The following LOC128462377 variants were observed in gnomAD, a reference collection of about 807,000 sequenced individuals.
chr16:89,325,325 C>G, the LOC128462377 span, among the ~76,000 whole-genome samples: 1 of 152,120 alleles, frequency 6.6e-6, no homozygotes, highest in East Asian at 1.9e-4. Context: ...GCGGTCTCAG[C>G]TACCAGGGAG....
the LOC128462377 span, among the ~76,000 whole-genome samples, chr16:89,336,201 T>C: frequency 1.3e-5 from 2 of 152,226 alleles, no homozygotes; most frequent in Admixed American, 1.3e-4. Flanking sequence ...ACTGTCCTTG[T>C]GGGCTACTCA....
chr16:89,408,864 AC>A, the LOC128462377 span, among the ~76,000 whole-genome samples: 1 of 152,246 alleles, frequency 6.6e-6, no homozygotes, highest in Non-Finnish European at 1.5e-5. Flanking sequence ...AAAAAAGAGA[AC>A]ATAAGTGAAG....
chr16:89,359,653 G>A, the LOC128462377 span, among the ~76,000 whole-genome samples: 14 of 152,138 alleles, frequency 9.2e-5, no homozygotes, highest in Non-Finnish European at 1.3e-4. Flanking sequence ...GAAGGTAGCC[G>A]GCTGTTCACC....
chr16:89,414,156 C>T, the LOC128462377 span, among the ~76,000 whole-genome samples: 1 of 152,206 alleles, frequency 6.6e-6, no homozygotes, highest in Admixed American at 6.5e-5. Context: ...TTCAGCAAGA[C>T]AGAACCTGAT....
the LOC128462377 span, among the ~76,000 whole-genome samples, chr16:89,382,089 C>A: frequency 6.6e-6 from 1 of 152,192 alleles, no homozygotes; most frequent in African/African-American, 2.4e-5. Context: ...CAGGCAGGCG[C>A]CACCAGAACG....
chr16:89,336,296 A>T, the LOC128462377 span, among the ~76,000 whole-genome samples: 1 of 152,118 alleles, frequency 6.6e-6, no homozygotes, highest in Non-Finnish European at 1.5e-5. Context: ...AGCAGCCACC[A>T]AATGCACACA....
At chr16:89,327,509 A>G in the LOC128462377 span, among the ~76,000 whole-genome samples, 1 of 152,336 alleles carries the variant, frequency 6.6e-6, no homozygotes, top group Non-Finnish European at 1.5e-5. Flanking sequence ...ACTTTATTTA[A>G]TAGAGTTCAG....
chr16:89,337,137 G>A, the LOC128462377 span, among the ~76,000 whole-genome samples: 1 of 151,518 alleles, frequency 6.6e-6, no homozygotes, highest in East Asian at 1.9e-4. Flanking sequence ...AGTGAGTTGA[G>A]ATCACACCAC....
the LOC128462377 span, among the ~76,000 whole-genome samples, chr16:89,329,397 AG>A: frequency 3.3e-5 from 5 of 152,214 alleles, no homozygotes; most frequent in African/African-American, 7.2e-5. Flanking sequence ...CACAGAAAAA[AG>A]GAAAAAAAAG....
the LOC128462377 span, among the ~76,000 whole-genome samples, chr16:89,344,845 A>G: frequency 6.6e-6 from 1 of 152,088 alleles, no homozygotes; most frequent in Non-Finnish European, 1.5e-5. Context: ...ACTCTCAACC[A>G]CCTTCCAAGT....
At chr16:89,336,516 TC>T in the LOC128462377 span, among the ~76,000 whole-genome samples, 2 of 152,192 alleles carry the variant, frequency 1.3e-5, no homozygotes, top group Non-Finnish European at 2.9e-5. Context: ...TGCCCAGATT[TC>T]TCACAATGTC....
At chr16:89,409,615 G>A in the LOC128462377 span, among the ~76,000 whole-genome samples, 1 of 152,150 alleles carries the variant, frequency 6.6e-6, no homozygotes, top group Non-Finnish European at 1.5e-5. Context: ...GGAGTTCCAG[G>A]CCAGTCTGAG....
chr16:89,408,992 C>A, the LOC128462377 span, among the ~76,000 whole-genome samples: 4 of 152,132 alleles, frequency 2.6e-5, no homozygotes, highest in African/African-American at 9.7e-5. Context: ...AAGGCGGCCC[C>A]AACCCTGCCT....
the LOC128462377 span, among the ~76,000 whole-genome samples, chr16:89,403,026 T>TCCA: frequency 6.6e-6 from 1 of 152,118 alleles, no homozygotes; most frequent in South Asian, 2.1e-4. Flanking sequence ...AACACCAGGC[T>TCCA]CCACATGGGC....
chr16:89,409,941 G>A, the LOC128462377 span, among the ~76,000 whole-genome samples: 14 of 152,064 alleles, frequency 9.2e-5, no homozygotes, highest in Admixed American at 6.6e-5. Context: ...CCGGGTTCAC[G>A]CCATTCTCCT....
At chr16:89,341,946 CGA>C in the LOC128462377 span, among the ~76,000 whole-genome samples, 1 of 150,886 alleles carries the variant, frequency 6.6e-6, no homozygotes, top group African/African-American at 2.5e-5. Flanking sequence ...ACCTCCTCCA[CGA>C]ACAGCAGCCA....
At chr16:89,367,027 C>G in the LOC128462377 span, among the ~76,000 whole-genome samples, 1 of 152,220 alleles carries the variant, frequency 6.6e-6, no homozygotes, top group Non-Finnish European at 1.5e-5. Flanking sequence ...AGTGTGCAGG[C>G]TGGATGCCCA....
At chr16:89,353,615 T>C in the LOC128462377 span, among the ~76,000 whole-genome samples, 1 of 151,920 alleles carries the variant, frequency 6.6e-6, no homozygotes, top group South Asian at 2.1e-4. Flanking sequence ...GTAGCTGGGA[T>C]TACAGGCATG....
chr16:89,356,327 G>C, the LOC128462377 span, among the ~76,000 whole-genome samples: 5 of 150,840 alleles, frequency 3.3e-5, no homozygotes, highest in Non-Finnish European at 5.9e-5. Flanking sequence ...GTTCTCGGTG[G>C]CAAGCCATCC....
Sources: gnomAD v4.1 joint callset for allele counts (sites outside exome capture counted in the v4.1 genomes callset) on GRCh38, gnomAD v4.1.1 for gene constraint, MANE v1.5 for transcripts.